ZNF197: variants seen among roughly 807,000 people sequenced by gnomAD.
ZNF197 encodes the protein VHL-associated KRAB-A domain-containing protein.
In ZNF197, 14 loss-of-function variants were observed where a neutral mutation model predicts 27.4. That is an observed-to-expected ratio of 0.51 (90% confidence interval 0.34 to 0.80). The LOEUF is 0.80. ZNF197 is among the 30% of genes least tolerant of loss of function. ZNF197 has a pLI of 0.02. For synonymous variants in ZNF197, 415 were observed against 420.0 expected, an observed-to-expected ratio of 0.99 and a Z score of 0.15; for missense variants, 1,090 against 1,222.6, an observed-to-expected ratio of 0.89 and a Z score of 1.62.
intron 5 of ZNF197, among the ~76,000 whole-genome samples, chr3:44,635,610 TA>T (rs1486156748): frequency 1.3e-5 from 2 of 152,214 alleles, no homozygotes; most frequent in Non-Finnish European, 2.9e-5. Flanking sequence ...CTTCAGTATG[TA>T]AAATATTTGT....
At position 44,642,471 on chromosome 3, in the gene ZNF197, C is replaced by G. The variant is rs1208917073; in HGVS notation, c.1341C>G (p.Ile447Met). 6.2e-7 allele frequency: 1 copy of G among 1,613,746 alleles called. No individual in the cohort carries two copies. The highest frequency in any genetic ancestry group is 1.1e-5 in the South Asian group (1 of 91,076). ...QSAYLLNHQR[I>M]HTGEKPYKCK... Reference sequence around the variant, plus strand: ...CTTACCTTCTAAACCATCAGAGGATCCACACTGGGGAGAAACCTTATAAGT... The same window carrying G: ...CTTACCTTCTAAACCATCAGAGGATGCACACTGGGGAGAAACCTTATAAGT... The change falls in exon 6 of 6, where the codon ATC becomes ATG. Residue 447 changes from isoleucine to methionine, a missense_variant. By Grantham distance (10) the Ile-to-Met change is conservative. Coordinates refer to ENST00000344387, the MANE Select transcript of ZNF197 (RefSeq NM_006991.5).
In ZNF197 at chr3:44,646,709, A is replaced by G. The variant is rs1702978306; in HGVS notation, c.*2489A>G. ...TTTGTGTATGTATGAAAATTTCGAT[A>G]TGAAAGGTATAAAACATGGATGAGG... is the stretch of plus-strand genomic sequence containing the variant. On this transcript the variant is annotated 3_prime_UTR_variant, in exon 6 of 6. Transcript: ENST00000344387. The G allele has an allele frequency of 1.8e-6, 1 of 554,622 alleles. No homozygotes were observed. Among genetic ancestry groups the G allele is most frequent in the Non-Finnish European group, 3.2e-6 (1 of 310,968 alleles). 34.4% of individuals were successfully genotyped at this position (554,622 alleles called of 1,614,324 possible).
At position 44,645,833 on chromosome 3, in the gene ZNF197, A is replaced by T. The variant is rs1158002320; in HGVS notation, c.*1613A>T. ...GTGCAGAATCCACTTGTGGGCAGTCAGTGCCCATTACCCCCTGTGAACCAT... is the reference window on the plus strand; with the variant it reads ...GTGCAGAATCCACTTGTGGGCAGTCTGTGCCCATTACCCCCTGTGAACCAT... On this transcript the variant is annotated 3_prime_UTR_variant, in exon 6 of 6. Transcript: ENST00000344387. 1 of 985,366 alleles carries T rather than the reference A, an allele frequency of 1.0e-6. No homozygotes were observed. The highest frequency in any genetic ancestry group is 1.2e-6 in the Non-Finnish European group (1 of 829,950). The allele number at this position is 985,366 out of a possible 1,614,324, so 61.0% of individuals were successfully genotyped here. A position where few individuals can be genotyped will look rare whatever the true frequency, so the allele number is the denominator to read the frequency against.
chr3:44,632,688 G>A (rs1702079429), intron 5 of ZNF197, 89 bp downstream of exon 5: 1 of 1,335,592 alleles, frequency 7.5e-7, no homozygotes, highest in Non-Finnish European at 9.7e-7. Flanking sequence ...ATGTATTTTG[G>A]AAAACACCGA....
chr3:44,637,820 A>G (rs1702383145), intron 5 of ZNF197, among the ~76,000 whole-genome samples: 1 of 152,132 alleles, frequency 6.6e-6, no homozygotes, highest in African/African-American at 2.4e-5. Context: ...TTTGATCTAT[A>G]TGTCTACCCT....
intron 5 of ZNF197, among the ~76,000 whole-genome samples, chr3:44,635,315 G>A (rs1702224801): frequency 6.6e-6 from 1 of 152,086 alleles, no homozygotes; most frequent in Non-Finnish European, 1.5e-5. Flanking sequence ...GATGCCCAAT[G>A]TTTATTCCCA....
chr3:44,645,049 G>C lies in ZNF197; in HGVS notation c.*829G>C. ...CTGCTGATGAGGACAACCTAAAAGA[G>C]CACTGGATTTGGAATCAGAAGACCT... On this transcript the variant is annotated 3_prime_UTR_variant, in exon 6 of 6. Transcript: ENST00000344387. The C allele has an allele frequency of 2.0e-6, 2 of 985,400 alleles. No individual in the cohort carries two copies. Among genetic ancestry groups the C allele is most frequent in the Non-Finnish European group, 2.4e-6 (2 of 829,926 alleles). The allele number at this position is 985,400 out of a possible 1,614,324, so 61.0% of individuals were successfully genotyped here. A position where few individuals can be genotyped will look rare whatever the true frequency, so the allele number is the denominator to read the frequency against.
rs1300361802 is a variant in ZNF197 at position 44,629,286 on chromosome 3, C to T, written c.132C>T (p.His44=). ...CTGTTTGGGAGACCTCCCACCTACA[C>T]TTTAGACAATTACGTTACCATGAGA... ...SSSVWETSHL[H]FRQLRYHETS... The change falls in exon 2 of 6, where the codon CAC becomes CAT. Residue 44 remains histidine (H), a synonymous_variant. Transcript: ENST00000344387. The T allele has an allele frequency of 6.2e-7, 1 of 1,614,074 alleles. No homozygotes were observed. Among genetic ancestry groups the T allele is most frequent in the Non-Finnish European group, 8.5e-7 (1 of 1,180,042 alleles).
In ZNF197 at chr3:44,632,535, C is replaced by G. The variant is rs1354255139; in HGVS notation, c.705C>G (p.Gly235=). 6.2e-7 allele frequency: 1 copy of G among 1,610,656 alleles called. No homozygotes were observed. Among genetic ancestry groups the G allele is most frequent in the Admixed American group, 1.7e-5 (1 of 59,198 alleles). Residue 235 remains glycine, a synonymous_variant, in exon 5 of 6, where the codon GGC becomes GGG. Transcript: ENST00000344387. ...CTTCAGAGGAATGGGCATGTCTGGGCCCAATCCAGAGGGCCTTGTACTGGG... is the reference window on the plus strand; with the variant it reads ...CTTCAGAGGAATGGGCATGTCTGGGGCCAATCCAGAGGGCCTTGTACTGGG... ...CFTSEEWACL[G]PIQRALYWDV...
rs540425106 is a variant in ZNF197, at chr3:44,646,558, G to A, written c.*2338G>A. ...CACGAGAAACAGACACATCCAGAACGTGGAATATTGCATAAGAAAGCTGCC... is the reference window on the plus strand; with the variant it reads ...CACGAGAAACAGACACATCCAGAACATGGAATATTGCATAAGAAAGCTGCC... On this transcript the variant is annotated 3_prime_UTR_variant, in exon 6 of 6. Coordinates refer to ENST00000344387, the MANE Select transcript of ZNF197 (RefSeq NM_006991.5). 285 of 1,136,178 alleles carry A rather than the reference G, an allele frequency of 2.5e-4. 4 individuals carry two copies. In the South Asian group the frequency reaches 3.3e-3, roughly 13 times the overall value. The allele number at this position is 1,136,178 out of a possible 1,614,324, so 70.4% of individuals were successfully genotyped here.
At chr3:44,628,924 C>G in intron 1 of ZNF197, 150 bp from the exon 2 acceptor site, 1 of 431,510 alleles carries the variant, frequency 2.3e-6, no homozygotes, top group East Asian at 4.4e-5. Flanking sequence ...CAGGGGGTTT[C>G]TGTCAGAGGA....
In ZNF197 at chr3:44,645,227, T is replaced by G. The variant is rs1702887547; in HGVS notation, c.*1007T>G. 1.0e-6 allele frequency: 1 copy of G among 985,246 alleles called. No homozygotes were observed. The highest frequency in any genetic ancestry group is 1.7e-5 in the African/African-American group (1 of 57,358). 61.0% of individuals were successfully genotyped at this position (985,246 alleles called of 1,614,324 possible). ...GAAAGGATCTTTGTGAAAGTACTTT[T>G]TGAAATCATTCAGTTGTCAATAAAG... On this transcript the variant is annotated 3_prime_UTR_variant, in exon 6 of 6. Transcript: ENST00000344387.
rs533253896 is a variant in ZNF197 at position 44,648,348 on chromosome 3, T to C, written c.*4128T>C. 1 of 152,328 alleles carries C rather than the reference T, an allele frequency of 6.6e-6. No individual in the cohort carries two copies. The highest frequency in any genetic ancestry group is 2.1e-4 in the South Asian group (1 of 4,826). The allele number at this position is 152,328 out of a possible 1,614,324, so 9.4% of individuals were successfully genotyped here. A position where few individuals can be genotyped will look rare whatever the true frequency, so the allele number is the denominator to read the frequency against. ...ATGATTTTAAATATGTATTGAGAGA[T>C]CAGGCAAACATAGCAAAATGTTCAT... On this transcript the variant is annotated 3_prime_UTR_variant, in exon 6 of 6. Transcript: ENST00000344387.
In ZNF197 at chr3:44,644,028, T is replaced by C. The variant is rs1229350252; in HGVS notation, c.2898T>C (p.Val966=). The change falls in exon 6 of 6, where the codon GTT becomes GTC. Residue 966 remains valine, a synonymous_variant. Coordinates refer to ENST00000344387, the MANE Select transcript of ZNF197 (RefSeq NM_006991.5). The stretch of plus-strand genomic sequence containing the variant: ...ATGGGTGTAATGATTGTAGTAAAGT[T>C]TTTAGGCAAAGAAAAAACCTTACTG... ...KPYGCNDCSK[V]FRQRKNLTVH... is the part of the protein sequence containing the mutation. 6.2e-7 allele frequency: 1 copy of C among 1,613,984 alleles called. No homozygotes were observed. Among genetic ancestry groups the C allele is most frequent in the Non-Finnish European group, 8.5e-7 (1 of 1,179,990 alleles).
intron 1 of ZNF197, among the ~76,000 whole-genome samples, chr3:44,627,247 G>GTAAA (rs1701720981): frequency 6.6e-6 from 1 of 152,156 alleles, no homozygotes; most frequent in Non-Finnish European, 1.5e-5. Context: ...AAGGAAAAAT[G>GTAAA]TAAAGTAAAG....
At position 44,643,853 on chromosome 3, in the gene ZNF197, GA is replaced by G; in HGVS notation, c.2727del (p.Asp910ThrfsTer36). ...GEKPYKCNECGKDFSQNKNLV... is the reference protein window; with the variant it reads ...GEKPYKCNECXKDFSQNKNLV... ...AAACCTTATAAATGTAATGAGTGTG[GA>G]AAAGACTTTAGTCAGAATAAAAACC... On this transcript the variant is annotated frameshift_variant, in exon 6 of 6. Transcript: ENST00000344387. LOFTEE classifies it low-confidence loss of function (END_TRUNC). The G allele has an allele frequency of 6.2e-7, 1 of 1,613,530 alleles. No individual in the cohort carries two copies. Among genetic ancestry groups the G allele is most frequent in the East Asian group, 2.2e-5 (1 of 44,868 alleles).
rs111907137 is a variant in ZNF197, at chr3:44,632,819, AGT to A, written c.769+237_769+238del. Among the ~76,000 whole-genome samples the A allele has an allele frequency of 9.0e-3, 1,350 of 150,444 alleles. 23 individuals are homozygous for A. The highest frequency in any genetic ancestry group is 0.031 in the African/African-American group (1,283 of 41,122). ...TGAGGGATTTTTTACATTGTTCCAA[AGT>A]GTGTGTGTGTGTGTGTCTGTGCACA... On this transcript the variant is annotated intron_variant, in intron 5 of 5. Transcript: ENST00000344387.
At position 44,644,030 on chromosome 3, in the gene ZNF197, T is replaced by G. The variant is rs763108304; in HGVS notation, c.2900T>G (p.Phe967Cys). The G allele has an allele frequency of 5.8e-5, 93 of 1,613,906 alleles. No individual in the cohort carries two copies. Among genetic ancestry groups the G allele is most frequent in the Non-Finnish European group, 7.7e-5 (91 of 1,180,012 alleles). ...GGGTGTAATGATTGTAGTAAAGTTT[T>G]TAGGCAAAGAAAAAACCTTACTGTA... ...PYGCNDCSKVFRQRKNLTVHQ... is the reference protein window; with the variant it reads ...PYGCNDCSKVCRQRKNLTVHQ... The change falls in exon 6 of 6, where the codon TTT becomes TGT. Residue 967 changes from phenylalanine to cysteine, a missense_variant. Transcript: ENST00000344387.
At position 44,642,329 on chromosome 3, in the gene ZNF197, G is replaced by T. The variant is rs1274422883; in HGVS notation, c.1199G>T (p.Cys400Phe). Residue 400 changes from cysteine to phenylalanine, a missense_variant, in exon 6 of 6, where the codon TGT (cysteine) becomes TTT (phenylalanine). Coordinates refer to ENST00000344387, the MANE Select transcript of ZNF197 (RefSeq NM_006991.5). ...RIHTGEKPHK[C>F]KECGKGFIQR... Reference sequence around the variant, plus strand: ...CACACTGGTGAGAAACCTCATAAATGTAAGGAATGTGGAAAAGGCTTTATT... The same window carrying T: ...CACACTGGTGAGAAACCTCATAAATTTAAGGAATGTGGAAAAGGCTTTATT... 1.2e-6 allele frequency: 2 copies of T among 1,614,182 alleles called. No individual in the cohort carries two copies. Among genetic ancestry groups the T allele is most frequent in the Non-Finnish European group, 1.7e-6 (2 of 1,180,026 alleles).
Sources: gnomAD v4.1 joint callset for allele counts (sites outside exome capture counted in the v4.1 genomes callset) on GRCh38, gnomAD v4.1.1 for gene constraint, MANE v1.5 for transcripts, NCBI Gene and HGNC (gene_info 2026-07-23, HGNC 2026-07-21) for gene names.